ADAMTSL1: variants seen among roughly 807,000 people sequenced by gnomAD.
ADAMTSL1 encodes the protein ADAMTS-like protein 1.
Under a neutral mutation model 201.8 loss-of-function variants are expected in ADAMTSL1, and 126 were observed. The observed-to-expected ratio is 0.62, with a 90% confidence interval of 0.54 to 0.72. ADAMTSL1 has a LOEUF of 0.72. ADAMTSL1 is among the 30% of genes least tolerant of loss of function. ADAMTSL1 has a pLI of 0.00. For synonymous variants in ADAMTSL1, 1,121 were observed against 903.4 expected, an observed-to-expected ratio of 1.24 and a Z score of -4.32; for missense variants, 2,679 against 2,277.8, an observed-to-expected ratio of 1.18 and a Z score of -3.59.
chr9:18,619,566 T>C (rs1825899729), intron 4 of ADAMTSL1, among the ~76,000 whole-genome samples: 1 of 152,220 alleles, frequency 6.6e-6, no homozygotes. Context: ...TCTTAAAGTA[T>C]GTCACCTCCT....
chr9:18,266,703 C>T (rs1013479865), intron 2 of ADAMTSL1, among the ~76,000 whole-genome samples: 2 of 152,146 alleles, frequency 1.3e-5, no homozygotes, highest in African/African-American at 2.4e-5. Context: ...GGTCTCACTT[C>T]AGGGGCCCTA....
intron 19 of ADAMTSL1, among the ~76,000 whole-genome samples, chr9:18,786,446 T>C (rs1337452160): frequency 6.6e-6 from 1 of 152,218 alleles, no homozygotes; most frequent in South Asian, 2.1e-4. Flanking sequence ...TCTACTTTTA[T>C]CTCTCTGAAC....
At chr9:18,426,738 G>C (rs1819239219) in intron 2 of ADAMTSL1, among the ~76,000 whole-genome samples, 1 of 152,132 alleles carries the variant, frequency 6.6e-6, no homozygotes, top group South Asian at 2.1e-4. Flanking sequence ...CTGAGGCCCA[G>C]AGATAATTTT....
At chr9:18,409,723 G>T (rs987341938) in intron 2 of ADAMTSL1, among the ~76,000 whole-genome samples, 1 of 150,080 alleles carries the variant, frequency 6.7e-6, no homozygotes, top group African/African-American at 2.4e-5. Context: ...ATGTATGTAT[G>T]TATACATATA....
At position 17,930,520 on chromosome 9, in the gene ADAMTSL1, G is replaced by C. The variant is rs574693874; in HGVS notation, c.87+23598G>C. 5.9e-5 allele frequency among the ~76,000 whole-genome samples: 9 copies of C among 152,232 alleles called. No individual in the cohort carries two copies. The East Asian group carries it at 1.7e-3, about 29-fold the overall frequency. The stretch of plus-strand genomic sequence containing the variant: ...AGGGAGGCTGGGAGGATAGCTGTGA[G>C]CTTAGGAGGTCACACAAACTGGTCT... On this transcript the variant is annotated intron_variant, in intron 1 of 29. Transcript: ENST00000680146.
intron 1 of ADAMTSL1, among the ~76,000 whole-genome samples, chr9:18,133,085 T>C (rs1333868523): frequency 6.6e-6 from 1 of 152,050 alleles, no homozygotes. Context: ...CTTCCAGGAA[T>C]AAGAAGCTAA....
intron 13 of ADAMTSL1, among the ~76,000 whole-genome samples, chr9:18,687,576 C>T (rs775414792): frequency 2.0e-5 from 3 of 152,026 alleles, no homozygotes; most frequent in South Asian, 2.1e-4. Context: ...CATTTATTTC[C>T]GTATATGGAA....
intron 1 of ADAMTSL1, among the ~76,000 whole-genome samples, chr9:18,133,739 T>C (rs1427645111): frequency 6.6e-6 from 1 of 152,140 alleles, no homozygotes; most frequent in East Asian, 1.9e-4. Flanking sequence ...CAGAATCCCC[T>C]GTGCTTGTGT....
chr9:18,709,300 G>C (rs147522875), intron 14 of ADAMTSL1, among the ~76,000 whole-genome samples: 2 of 152,228 alleles, frequency 1.3e-5, no homozygotes, highest in African/African-American at 4.8e-5. Context: ...ACATTTTACT[G>C]TATTATCAAC....
chr9:18,222,760 T>G (rs1830312901), intron 2 of ADAMTSL1, among the ~76,000 whole-genome samples: 6 of 151,880 alleles, frequency 4.0e-5, no homozygotes, highest in Admixed American at 3.9e-4. Flanking sequence ...TAGAAAACTC[T>G]TACCATAATT....
chr9:18,057,256 T>G (rs1049059710), intron 1 of ADAMTSL1, among the ~76,000 whole-genome samples: 4 of 152,194 alleles, frequency 2.6e-5, no homozygotes, highest in African/African-American at 9.7e-5. Context: ...ATGTGCAATA[T>G]TGAGTCAGAC....
At chr9:18,487,319 G>A (rs1047520674) in intron 1 of ADAMTSL1, among the ~76,000 whole-genome samples, 3 of 152,168 alleles carry the variant, frequency 2.0e-5, no homozygotes, top group African/African-American at 7.2e-5. Context: ...AGTCTCCACT[G>A]TGCATGTAGC....
At chr9:18,525,530 A>G (rs1020578392) in intron 2 of ADAMTSL1, among the ~76,000 whole-genome samples, 1 of 151,756 alleles carries the variant, frequency 6.6e-6, no homozygotes, top group Non-Finnish European at 1.5e-5. Context: ...TTTAATTGTG[A>G]TGTTAGGGTG....
At chr9:18,346,365 G>C (rs1385279252) in intron 2 of ADAMTSL1, among the ~76,000 whole-genome samples, 1 of 152,146 alleles carries the variant, frequency 6.6e-6, no homozygotes, top group Non-Finnish European at 1.5e-5. Context: ...GGTACCCACT[G>C]TATGGTAGCA....
intron 2 of ADAMTSL1, among the ~76,000 whole-genome samples, chr9:18,405,869 T>C (rs2791450): frequency 0.35 from 53,181 of 152,068 alleles, 9,681 homozygotes; most frequent in African/African-American, 0.41. Context: ...TAACTTGGTT[T>C]GGCTCTATTT....
chr9:18,104,205 C>G (rs1003988098), intron 1 of ADAMTSL1, among the ~76,000 whole-genome samples: 3 of 152,144 alleles, frequency 2.0e-5, no homozygotes, highest in African/African-American at 7.2e-5. Context: ...AACAGTATCT[C>G]CCAGTTTCCA....
At chr9:18,343,006 C>G (rs1466597717) in intron 2 of ADAMTSL1, among the ~76,000 whole-genome samples, 1 of 151,552 alleles carries the variant, frequency 6.6e-6, no homozygotes, top group African/African-American at 2.4e-5. Flanking sequence ...TTTTCATTAT[C>G]TTTAAAAAAT....
At chr9:18,671,812 C>T (rs1279017915) in intron 9 of ADAMTSL1, among the ~76,000 whole-genome samples, 2 of 152,052 alleles carry the variant, frequency 1.3e-5, no homozygotes, top group Non-Finnish European at 2.9e-5. Context: ...CCAAGGTGGG[C>T]AGATCACGAG....
chr9:18,882,560 C>G (rs1336144429), intron 23 of ADAMTSL1, among the ~76,000 whole-genome samples: 1 of 152,148 alleles, frequency 6.6e-6, no homozygotes, highest in Non-Finnish European at 1.5e-5. Context: ...CCCCAGTGGA[C>G]TGACTTCTCT....
Sources: gnomAD v4.1 joint callset for allele counts (sites outside exome capture counted in the v4.1 genomes callset) on GRCh38, gnomAD v4.1.1 for gene constraint, MANE v1.5 for transcripts, NCBI Gene and HGNC (gene_info 2026-07-23, HGNC 2026-07-21) for gene names.